Variants in MYO16 observed in about 807,000 individuals in gnomAD.
MYO16 encodes the protein unconventional myosin-XVI.
Under a neutral mutation model 205.3 loss-of-function variants are expected in MYO16, and 94 were observed. The ratio of observed to expected loss-of-function variants is 0.46; its 90% CI spans 0.39 to 0.54. MYO16 has a LOEUF of 0.54. MYO16 is among the 20% of genes least tolerant of loss of function. The probability of loss-of-function intolerance (pLI) is 0.00; values close to 1 mark genes in which losing one functional copy is unlikely to be tolerated. For missense variants in MYO16, 2,315 were observed against 2,387.5 expected (o/e 0.97, Z 0.63); for synonymous variants, 988 against 954.0 (o/e 1.04, Z -0.66).
chr13:108,836,858 T>A (rs1876950481), intron 9 of MYO16, among the ~76,000 whole-genome samples: 1 of 152,228 alleles, frequency 6.6e-6, no homozygotes. Flanking sequence ...AGTAACTAAC[T>A]TGCTTTCAAA....
intron 29 of MYO16, among the ~76,000 whole-genome samples, chr13:109,123,139 A>T (rs948454960): frequency 6.6e-6 from 1 of 152,360 alleles, no homozygotes; most frequent in African/African-American, 2.4e-5. Context: ...AAGACAACAA[A>T]CATCAACATC....
chr13:108,746,752 A>G (rs1458161193), intron 4 of MYO16, among the ~76,000 whole-genome samples: 2 of 152,152 alleles, frequency 1.3e-5, no homozygotes, highest in Non-Finnish European at 2.9e-5. Context: ...GAAATTCATG[A>G]CAGACACCAA....
chr13:109,173,618 G>A (rs1411121779), intron 33 of MYO16, among the ~76,000 whole-genome samples: 8 of 152,048 alleles, frequency 5.3e-5, no homozygotes, highest in South Asian at 4.2e-4. Flanking sequence ...TGTCTCGGCC[G>A]GGCGCGGTGG....
rs1432747400 is a variant in MYO16, at chr13:108,818,393, AT to A, written c.868-1943del. On this transcript the variant is annotated intron_variant, in intron 7 of 34. Coordinates refer to ENST00000457511, the MANE Select transcript of MYO16 (RefSeq NM_001198950.3). Reference sequence around the variant, plus strand: ...AGTGAAACAACGTCTCAAAAAAAAAATAATAATAATAAATAAAAATAAAAAA... The same window carrying A: ...AGTGAAACAACGTCTCAAAAAAAAAAAATAATAATAAATAAAAATAAAAAA... 1.1e-3 allele frequency among the ~76,000 whole-genome samples: 160 copies of A among 142,534 alleles called. 3 individuals carry two copies. In the South Asian group the frequency reaches 0.028, roughly 25 times the overall value. 93.5% of individuals were successfully genotyped at this position (142,534 alleles called of 152,430 possible). A position where few individuals can be genotyped will look rare whatever the true frequency, so the allele number is the denominator to read the frequency against.
At chr13:109,166,385 AG>A (rs757351467) in intron 33 of MYO16, among the ~76,000 whole-genome samples, 19 of 152,248 alleles carry the variant, frequency 1.2e-4, no homozygotes, top group Non-Finnish European at 1.9e-4. Flanking sequence ...AAATAACTGG[AG>A]AAGTGGAAGA....
the MYO16 span, among the ~76,000 whole-genome samples, chr13:108,531,718 G>T: frequency 6.6e-6 from 1 of 151,960 alleles, no homozygotes; most frequent in African/African-American, 2.4e-5. Flanking sequence ...AAGGCACAGG[G>T]CCTGTAAATA....
At chr13:108,769,309 G>A (rs1023016749) in intron 4 of MYO16, among the ~76,000 whole-genome samples, 1 of 152,142 alleles carries the variant, frequency 6.6e-6, no homozygotes, top group African/African-American at 2.4e-5. Flanking sequence ...GGGCAGAAGG[G>A]ACAAAGTCAG....
At chr13:108,886,047 G>A (rs1457498834) in intron 13 of MYO16, among the ~76,000 whole-genome samples, 1 of 152,088 alleles carries the variant, frequency 6.6e-6, no homozygotes, top group East Asian at 1.9e-4. Context: ...GAGTGCAGTG[G>A]CGCGATCTGG....
chr13:108,803,450 A>ACAGG (rs1283950040), intron 6 of MYO16, among the ~76,000 whole-genome samples: 1 of 152,196 alleles, frequency 6.6e-6, no homozygotes, highest in Non-Finnish European at 1.5e-5. Flanking sequence ...AATGAAACGA[A>ACAGG]CAGGCTGTCA....
At chr13:109,015,082 G>A (rs1031803278) in intron 22 of MYO16, among the ~76,000 whole-genome samples, 4 of 152,184 alleles carry the variant, frequency 2.6e-5, no homozygotes, top group African/African-American at 9.7e-5. Context: ...CATTCAGTAT[G>A]ATACTGGCTT....
chr13:108,973,174 C>T (rs997214130), intron 20 of MYO16, among the ~76,000 whole-genome samples: 6 of 151,332 alleles, frequency 4.0e-5, no homozygotes, highest in Non-Finnish European at 5.9e-5. Context: ...TTTCACAAGT[C>T]GAAACTGATT....
At chr13:108,759,592 T>G (rs35922701) in intron 4 of MYO16, among the ~76,000 whole-genome samples, 1 of 151,912 alleles carries the variant, frequency 6.6e-6, no homozygotes, top group Non-Finnish European at 1.5e-5. Context: ...GAGGCCGAGG[T>G]GGGCGGATCA....
At chr13:108,585,158 G>A in the MYO16 span, among the ~76,000 whole-genome samples, 3 of 152,248 alleles carry the variant, frequency 2.0e-5, no homozygotes, top group African/African-American at 7.2e-5. Flanking sequence ...CCAAATACGA[G>A]TGACCATGGC....
At chr13:108,559,470 C>CTTTTTTTTTTTTTTTTTTTTTTT in the MYO16 span, among the ~76,000 whole-genome samples, 5 of 87,414 alleles carry the variant, frequency 5.7e-5, no homozygotes, top group Non-Finnish European at 1.1e-4. Flanking sequence ...TTTTTCTTTT[C>CTTTTTTTTTTTTTTTTTTTTTTT]TTTTTTTTTT....
chr13:108,849,074 G>A (rs1040872983), intron 10 of MYO16, among the ~76,000 whole-genome samples: 1 of 152,192 alleles, frequency 6.6e-6, no homozygotes, highest in Non-Finnish European at 1.5e-5. Context: ...CGACTGTCCA[G>A]GCATGGCATG....
At chr13:108,794,336 A>G (rs1886715364) in intron 6 of MYO16, among the ~76,000 whole-genome samples, 1 of 152,230 alleles carries the variant, frequency 6.6e-6, no homozygotes, top group South Asian at 2.1e-4. Context: ...TAAAATTTGG[A>G]AGGAAAAAAT....
At chr13:108,814,608 A>G (rs1422889005) in intron 7 of MYO16, among the ~76,000 whole-genome samples, 1 of 152,176 alleles carries the variant, frequency 6.6e-6, no homozygotes, top group African/African-American at 2.4e-5. Context: ...AGCAAATGAT[A>G]TATTTGGAAG....
intron 31 of MYO16, among the ~76,000 whole-genome samples, chr13:109,134,059 G>C (rs1195447086): frequency 6.6e-6 from 1 of 152,206 alleles, no homozygotes; most frequent in Non-Finnish European, 1.5e-5. Flanking sequence ...TTCTGGTTGT[G>C]TAGCGGTGAT....
In MYO16 at chr13:109,207,391, T is replaced by A. The variant is rs146954612; in HGVS notation, c.*555T>A. On this transcript the variant is annotated 3_prime_UTR_variant, in exon 35 of 35. Coordinates refer to ENST00000457511, the MANE Select transcript of MYO16 (RefSeq NM_001198950.3). ...CTTCCTTTCTTCAAAATACAGATTT[T>A]AAAAAATCATTTCTAGATTATTTTT... 6.6e-6 allele frequency: 1 copy of A among 152,220 alleles called. No homozygotes were observed. Among genetic ancestry groups the A allele is most frequent in the African/African-American group, 2.4e-5 (1 of 41,442 alleles). The allele number at this position is 152,220 out of a possible 1,614,324, so 9.4% of individuals were successfully genotyped here. A position where few individuals can be genotyped will look rare whatever the true frequency, so the allele number is the denominator to read the frequency against.
Sources: gnomAD v4.1 joint callset for allele counts (sites outside exome capture counted in the v4.1 genomes callset) on GRCh38, gnomAD v4.1.1 for gene constraint, MANE v1.5 for transcripts, NCBI Gene and HGNC (gene_info 2026-07-23, HGNC 2026-07-21) for gene names.